Variants in SLC25A13 observed in about 807,000 individuals in gnomAD.
SLC25A13 encodes the protein solute carrier family 25 member 13.
Under a neutral mutation model 85.5 loss-of-function variants are expected in SLC25A13, and 70 were observed. The observed-to-expected ratio is 0.82, with a 90% CI of 0.68 to 1.00. SLC25A13 has a LOEUF of 1.00. SLC25A13 is among the 50% of genes least tolerant of loss of function. The pLI, the probability that SLC25A13 is intolerant of heterozygous loss-of-function variation, is 0.00. For synonymous variants in SLC25A13, 259 were observed against 288.7 expected (o/e 0.90, Z 1.04); for missense variants, 765 against 819.8 (o/e 0.93, Z 0.82).
intron 2 of SLC25A13, among the ~76,000 whole-genome samples, chr7:96,280,530 A>C (rs1475822398): frequency 1.3e-5 from 2 of 152,180 alleles, no homozygotes; most frequent in Admixed American, 1.3e-4. Flanking sequence ...AGCCTGGGCA[A>C]GATGGCGGAA....
intron 3 of SLC25A13, among the ~76,000 whole-genome samples, chr7:96,242,667 C>G (rs148741394): frequency 2.0e-5 from 3 of 152,278 alleles, no homozygotes; most frequent in East Asian, 3.9e-4. Context: ...CAGACATTTC[C>G]TTTCTAATAA....
At chr7:96,257,293 A>T (rs1229474486) in intron 3 of SLC25A13, among the ~76,000 whole-genome samples, 2 of 152,182 alleles carry the variant, frequency 1.3e-5, no homozygotes, top group Admixed American at 6.5e-5. Flanking sequence ...TTTTGAAAAG[A>T]TTAACCAAAT....
intron 3 of SLC25A13, among the ~76,000 whole-genome samples, chr7:96,272,066 T>C (rs1798261154): frequency 6.6e-6 from 1 of 152,082 alleles, no homozygotes; most frequent in Non-Finnish European, 1.5e-5. Flanking sequence ...TTTTGTATTT[T>C]TAGTAGAGAT....
At chr7:96,288,758 C>T (rs1389787913) in intron 2 of SLC25A13, among the ~76,000 whole-genome samples, 1 of 152,138 alleles carries the variant, frequency 6.6e-6, no homozygotes, top group African/African-American at 2.4e-5. Context: ...GAGTAGTAAA[C>T]AAAGCGGCCT....
chr7:96,307,467 G>A (rs1799790225), intron 1 of SLC25A13, among the ~76,000 whole-genome samples: 1 of 152,044 alleles, frequency 6.6e-6, no homozygotes, highest in African/African-American at 2.4e-5. Flanking sequence ...TCAGGAGGCT[G>A]AGGTGGGAGG....
Position 96,121,864 on chromosome 7 carries a change from T to C in SLC25A13, c.1725A>G (p.Pro575=), listed in dbSNP as rs775054829. The change falls in exon 16 of 18, where the codon CCA becomes CCG. Residue 575 remains proline, a synonymous_variant. Coordinates refer to ENST00000265631, the MANE Select transcript of SLC25A13 (RefSeq NM_014251.3). The part of the protein sequence containing the change: ...CFRKILREEG[P]KALWKGAGAR... ...CACCAGCTCCCTTCCACAGAGCTTT[T>C]GGTCCTTCTTCACGCAGTATCTTTC... 1.9e-6 allele frequency: 3 copies of C among 1,614,232 alleles called. No homozygotes were observed. The highest frequency in any genetic ancestry group is 4.5e-5 in the East Asian group (2 of 44,886).
chr7:96,176,637 A>G (rs1323571641), intron 11 of SLC25A13, among the ~76,000 whole-genome samples: 1 of 152,162 alleles, frequency 6.6e-6, no homozygotes, highest in Non-Finnish European at 1.5e-5. Flanking sequence ...GTGGGGACCA[A>G]GCCCAGATCA....
In SLC25A13 at chr7:96,193,334, G is replaced by A. The variant is rs1403490482; in HGVS notation, c.469-151C>T. On this transcript the variant is annotated intron_variant, in intron 5 of 17. Coordinates refer to ENST00000265631, the MANE Select transcript of SLC25A13 (RefSeq NM_014251.3). The stretch of plus-strand genomic sequence containing the variant: ...TGCCTAATAGCACCACCAAGCTACT[G>A]TCTCCTTCCAAGAGACAGAACTTTG... The A allele has an allele frequency of 1.5e-5, 14 of 924,072 alleles. No homozygotes were observed. In the Admixed American group the frequency reaches 1.8e-4, roughly 12 times the overall value. The allele number at this position is 924,072 out of a possible 1,614,324, so 57.2% of individuals were successfully genotyped here.
intron 9 of SLC25A13, 117 bp from the exon 10 acceptor site, chr7:96,185,128 A>G (rs1794581784): frequency 3.0e-6 from 2 of 674,384 alleles, no homozygotes; most frequent in Admixed American, 6.1e-5. Context: ...AATCCATGAT[A>G]CAACTAAAAT....
intron 3 of SLC25A13, among the ~76,000 whole-genome samples, chr7:96,261,965 C>T (rs867347435): frequency 9.2e-5 from 14 of 152,258 alleles, no homozygotes; most frequent in African/African-American, 2.9e-4. Flanking sequence ...CACATGCCTG[C>T]GATAAAAGCA....
chr7:96,299,138 G>C (rs778928032), intron 1 of SLC25A13, among the ~76,000 whole-genome samples: 1 of 152,190 alleles, frequency 6.6e-6, no homozygotes. Flanking sequence ...TTTATGCCAT[G>C]AACTTTGTAA....
chr7:96,155,262 C>T (rs1202729998), intron 13 of SLC25A13, among the ~76,000 whole-genome samples: 2 of 152,266 alleles, frequency 1.3e-5, no homozygotes, highest in African/African-American at 4.8e-5. Flanking sequence ...TGGTATGAGA[C>T]TTCTCTCTTA....
chr7:96,272,883 C>T (rs968613796), intron 3 of SLC25A13, among the ~76,000 whole-genome samples: 5 of 152,122 alleles, frequency 3.3e-5, no homozygotes, highest in Admixed American at 1.3e-4. Context: ...ATAGAATAAC[C>T]GGTTCAGCAA....
At chr7:96,223,407 A>C (rs1796207390) in intron 4 of SLC25A13, among the ~76,000 whole-genome samples, 1 of 152,244 alleles carries the variant, frequency 6.6e-6, no homozygotes, top group South Asian at 2.1e-4. Flanking sequence ...AACATTTGGG[A>C]GTTTAACCTA....
At chr7:96,229,702 C>T (rs879197811) in intron 4 of SLC25A13, among the ~76,000 whole-genome samples, 1 of 151,968 alleles carries the variant, frequency 6.6e-6, no homozygotes, top group African/African-American at 2.4e-5. Context: ...ACTCCAGAAG[C>T]GCCACCTAAA....
At chr7:96,182,199 G>GT (rs1402564728) in intron 11 of SLC25A13, among the ~76,000 whole-genome samples, 1 of 152,166 alleles carries the variant, frequency 6.6e-6, no homozygotes, top group Admixed American at 6.5e-5. Flanking sequence ...TCATGGCAAA[G>GT]TTATGTATCA....
intron 3 of SLC25A13, among the ~76,000 whole-genome samples, chr7:96,268,167 A>G (rs1037412191): frequency 2.6e-5 from 4 of 152,198 alleles, no homozygotes. Flanking sequence ...CCAGGTGAGA[A>G]GGTCAGTCAC....
intron 4 of SLC25A13, among the ~76,000 whole-genome samples, chr7:96,221,191 G>C (rs921814941): frequency 1.3e-5 from 2 of 152,056 alleles, no homozygotes; most frequent in South Asian, 2.1e-4. Context: ...CAATGAACTG[G>C]AACAGTTTCT....
intron 3 of SLC25A13, among the ~76,000 whole-genome samples, chr7:96,254,355 G>A (rs1373695121): frequency 6.6e-6 from 1 of 152,196 alleles, no homozygotes; most frequent in African/African-American, 2.4e-5. Context: ...AGACTGGGAA[G>A]TACACCATTG....
Sources: gnomAD v4.1 joint callset for allele counts (sites outside exome capture counted in the v4.1 genomes callset) on GRCh38, gnomAD v4.1.1 for gene constraint, MANE v1.5 for transcripts, NCBI Gene and HGNC (gene_info 2026-07-23, HGNC 2026-07-21) for gene names.